The following ITPR1 variants were observed in gnomAD, a reference collection of about 807,000 sequenced individuals.
ITPR1 encodes inositol 1,4,5-trisphosphate-gated calcium channel ITPR1.
ITPR1 carries 96 observed loss-of-function variants against 318.4 expected under a neutral mutation model. The ratio of observed to expected loss-of-function variants is 0.30; its 90% CI spans 0.26 to 0.36. The LOEUF (loss-of-function observed/expected upper bound fraction) is 0.36, where lower values mean the gene tolerates loss of function less well. Ranked by LOEUF, ITPR1 falls within the 10% of genes least tolerant of loss-of-function variation. The pLI is 1.00. For missense variants in ITPR1, 2,440 were observed against 3,460.2 expected (o/e 0.71, Z 7.40); for synonymous variants, 1,312 against 1,289.9 (o/e 1.02, Z -0.37).
chr3:4,672,350 T>C (rs1041027126), intron 20 of ITPR1, among the ~76,000 whole-genome samples: 1 of 152,236 alleles, frequency 6.6e-6, no homozygotes, highest in African/African-American at 2.4e-5. Context: ...AAGTGTGAAA[T>C]AGACTCATGT....
chr3:4,651,086 A>G (rs1176116514), intron 10 of ITPR1, among the ~76,000 whole-genome samples: 2 of 152,140 alleles, frequency 1.3e-5, no homozygotes, highest in African/African-American at 2.4e-5. Context: ...TGATGTGTCT[A>G]CTAACGCACA....
intron 40 of ITPR1, among the ~76,000 whole-genome samples, chr3:4,721,722 C>T (rs2042176971): frequency 6.6e-6 from 1 of 152,152 alleles, no homozygotes; most frequent in South Asian, 2.1e-4. Context: ...TAGAAAGAGA[C>T]ATCCCATTTC....
intron 4 of ITPR1, among the ~76,000 whole-genome samples, chr3:4,615,274 G>A (rs1221710506): frequency 6.6e-6 from 1 of 152,140 alleles, no homozygotes; most frequent in Non-Finnish European, 1.5e-5. Flanking sequence ...AACTAAGTGT[G>A]GGCAGGTACC....
At position 4,780,512 on chromosome 3, in the gene ITPR1, G is replaced by A. The variant is rs2046758847; in HGVS notation, c.6387+867G>A. 3.9e-5 allele frequency among the ~76,000 whole-genome samples: 6 copies of A among 152,312 alleles called. No individual in the cohort carries two copies. In the South Asian group the frequency reaches 1.2e-3, roughly 32 times the overall value. Reference sequence around the variant, plus strand: ...TTTCAGAGACGGTGACATGAGTTGAGGGCAGAGCTCTCTATTTGGACTCTT... The same window carrying A: ...TTTCAGAGACGGTGACATGAGTTGAAGGCAGAGCTCTCTATTTGGACTCTT... On this transcript the variant is annotated intron_variant, in intron 49 of 61. Transcript: ENST00000649015.
rs773437375 is a variant in ITPR1 at position 4,688,637 on chromosome 3, A to T, written c.3828+17A>T. ...AACCCAGGGGTAAGACTTGAGGCCA[A>T]TCTGCAAATCTATAGAGGGAGGAGG... On this transcript the variant is annotated intron_variant, in intron 31 of 61. Transcript: ENST00000649015. 50 of 1,609,090 alleles carry T rather than the reference A, an allele frequency of 3.1e-5. No individual in the cohort carries two copies. The highest frequency in any genetic ancestry group is 4.0e-5 in the Non-Finnish European group (47 of 1,175,946).
At chr3:4,499,440 T>C (rs539440673) in intron 2 of ITPR1, among the ~76,000 whole-genome samples, 1 of 152,190 alleles carries the variant, frequency 6.6e-6, no homozygotes, top group Non-Finnish European at 1.5e-5. Context: ...ACCCCTTTGA[T>C]GGCCTTTCAT....
chr3:4,687,757 A>G (rs768052279), intron 30 of ITPR1, among the ~76,000 whole-genome samples: 6 of 152,274 alleles, frequency 3.9e-5, no homozygotes, highest in Non-Finnish European at 8.8e-5. Context: ...TATGAATCAC[A>G]TAATCCAACC....
At chr3:4,555,341 G>A (rs2086015770) in intron 4 of ITPR1, among the ~76,000 whole-genome samples, 1 of 152,160 alleles carries the variant, frequency 6.6e-6, no homozygotes, top group Non-Finnish European at 1.5e-5. Flanking sequence ...AGAGGCAAGC[G>A]ATTGCTTTTG....
chr3:4,651,901 T>C (rs2093606188), intron 10 of ITPR1, among the ~76,000 whole-genome samples: 2 of 152,258 alleles, frequency 1.3e-5, no homozygotes, highest in South Asian at 2.1e-4. Context: ...ATTCCAACCA[T>C]TGTATGTTAA....
intron 4 of ITPR1, among the ~76,000 whole-genome samples, chr3:4,542,347 C>T (rs1306638442): frequency 6.6e-6 from 1 of 152,082 alleles, no homozygotes; most frequent in Non-Finnish European, 1.5e-5. Context: ...TTGTTTGAGG[C>T]CTGGGTTAAA....
intron 44 of ITPR1, among the ~76,000 whole-genome samples, chr3:4,748,120 G>A (rs936018881): frequency 6.6e-6 from 1 of 152,184 alleles, no homozygotes; most frequent in African/African-American, 2.4e-5. Flanking sequence ...TGCAGATGAG[G>A]AAACTGAGTC....
At chr3:4,590,506 A>G (rs1255986404) in intron 4 of ITPR1, among the ~76,000 whole-genome samples, 1 of 150,324 alleles carries the variant, frequency 6.7e-6, no homozygotes, top group South Asian at 2.1e-4. Flanking sequence ...GGTCTTCTCC[A>G]TGTATTTTGT....
In ITPR1 at chr3:4,655,230, C is replaced by T. The variant is rs187842456; in HGVS notation, c.996+1344C>T. Among the ~76,000 whole-genome samples the T allele has an allele frequency of 1.5e-4, 23 of 152,262 alleles. No individual in the cohort carries two copies. In the East Asian group the frequency reaches 4.2e-3, roughly 28 times the overall value. On this transcript the variant is annotated intron_variant, in intron 12 of 61. Coordinates refer to ENST00000649015, the MANE Select transcript of ITPR1 (RefSeq NM_001378452.1). Reference sequence around the variant, plus strand: ...CTCTGTGTGGCCAACATCTGGTGGTCTCCATGCTGCCGTCTGTGGTGACAT... The same window carrying T: ...CTCTGTGTGGCCAACATCTGGTGGTTTCCATGCTGCCGTCTGTGGTGACAT...
At chr3:4,830,684 T>G (rs553214550) in intron 60 of ITPR1, among the ~76,000 whole-genome samples, 1 of 152,310 alleles carries the variant, frequency 6.6e-6, no homozygotes, top group African/African-American at 2.4e-5. Context: ...ACATCCAGTT[T>G]GTCTTCCTGC....
chr3:4,598,848 A>G (rs1477124396), intron 4 of ITPR1, among the ~76,000 whole-genome samples: 1 of 152,122 alleles, frequency 6.6e-6, no homozygotes, highest in African/African-American at 2.4e-5. Flanking sequence ...ACTTCTCTGA[A>G]TCTCACTTTA....
chr3:4,571,858 C>T (rs1194805745), intron 4 of ITPR1, among the ~76,000 whole-genome samples: 1 of 152,156 alleles, frequency 6.6e-6, no homozygotes, highest in Admixed American at 6.5e-5. Context: ...TTCATCTCTG[C>T]TCCTCTCTGT....
chr3:4,665,748 A>G (rs1348972500), intron 17 of ITPR1, among the ~76,000 whole-genome samples: 2 of 152,170 alleles, frequency 1.3e-5, no homozygotes, highest in Non-Finnish European at 2.9e-5. Context: ...TATCTTATAC[A>G]TAGTTATATT....
intron 42 of ITPR1, among the ~76,000 whole-genome samples, chr3:4,730,383 G>T (rs1156755976): frequency 7.4e-6 from 1 of 134,870 alleles, no homozygotes; most frequent in African/African-American, 2.7e-5. Flanking sequence ...GTGTGTGTGT[G>T]TGTGTGTGTG....
At chr3:4,673,429 G>A (rs1345911469) in intron 21 of ITPR1, 42 bp downstream of exon 21, 3 of 1,551,308 alleles carry the variant, frequency 1.9e-6, no homozygotes, top group Non-Finnish European at 2.6e-6. Flanking sequence ...ATTATTCTGT[G>A]CGGCAGTAGA....
Sources: gnomAD v4.1 joint callset for allele counts (sites outside exome capture counted in the v4.1 genomes callset) on GRCh38, gnomAD v4.1.1 for gene constraint, MANE v1.5 for transcripts, NCBI Gene and HGNC (gene_info 2026-07-23, HGNC 2026-07-21) for gene names.